MTA3: variants seen among roughly 807,000 people sequenced by gnomAD.
MTA3 encodes the protein metastasis-associated protein MTA3.
MTA3 carries 34 observed loss-of-function variants against 83.5 expected under a neutral mutation model. The ratio of observed to expected loss-of-function variants is 0.41; its 90% confidence interval spans 0.31 to 0.54. The LOEUF (loss-of-function observed/expected upper bound fraction) is 0.54. Ranked by LOEUF, MTA3 falls within the 20% of genes least tolerant of loss-of-function variation. MTA3 has a pLI of 0.33. For synonymous variants in MTA3, 303 were observed against 252.7 expected, an observed-to-expected ratio of 1.20 and a Z score of -1.89; for missense variants, 761 against 726.4, an observed-to-expected ratio of 1.05 and a Z score of -0.55.
At chr2:42,689,676 T>C (rs922685898) in intron 9 of MTA3, among the ~76,000 whole-genome samples, 1 of 152,198 alleles carries the variant, frequency 6.6e-6, no homozygotes, top group Non-Finnish European at 1.5e-5. Context: ...ATGTTTATAA[T>C]AGGAGTTTAG....
chr2:42,756,014 G>A lies in MTA3; in HGVS notation c.*2615G>A. ...CACAGCCCAGTTTCCATCTCTCAGGGCCCACCCAGGAAAATGGATTTCAAG... is the reference window on the plus strand; with the variant it reads ...CACAGCCCAGTTTCCATCTCTCAGGACCCACCCAGGAAAATGGATTTCAAG... On this transcript the variant is annotated 3_prime_UTR_variant, in exon 17 of 17. Transcript: ENST00000405094. The A allele has an allele frequency of 1.0e-6, 1 of 985,288 alleles. No homozygotes were observed. Among genetic ancestry groups the A allele is most frequent in the Non-Finnish European group, 1.2e-6 (1 of 829,794 alleles). The allele number at this position is 985,288 out of a possible 1,614,324, so 61.0% of individuals were successfully genotyped here.
intron 14 of MTA3, 103 bp from the exon 15 acceptor site, chr2:42,718,885 A>G (rs1667217561): frequency 1.2e-6 from 1 of 830,888 alleles, no homozygotes; most frequent in African/African-American, 1.7e-5. Context: ...TCTGGTGGCT[A>G]TTTTGTACTG....
chr2:42,676,115 G>T (rs1691332951), intron 8 of MTA3, among the ~76,000 whole-genome samples: 2 of 152,232 alleles, frequency 1.3e-5, no homozygotes. Flanking sequence ...TAATTCCAAT[G>T]TATTCTTTCT....
chr2:42,530,840 G>GT (rs1675931636), intron 2 of MTA3, among the ~76,000 whole-genome samples: 2 of 151,778 alleles, frequency 1.3e-5, no homozygotes, highest in Admixed American at 6.6e-5. Flanking sequence ...TTGTTTGTTT[G>GT]TTTTTTTGAG....
intron 2 of MTA3, among the ~76,000 whole-genome samples, chr2:42,547,478 G>A (rs564644936): frequency 2.6e-5 from 4 of 152,332 alleles, no homozygotes; most frequent in African/African-American, 9.6e-5. Context: ...TTACAGGCAC[G>A]CGCCAACGCG....
intron 4 of MTA3, among the ~76,000 whole-genome samples, chr2:42,634,145 A>T (rs1175781231): frequency 1.3e-5 from 2 of 152,176 alleles, no homozygotes; most frequent in Non-Finnish European, 2.9e-5. Context: ...AGCCTCCACA[A>T]CAAAAAATTA....
rs1269447316 is a variant in MTA3 at position 42,756,887 on chromosome 2, A to G, written c.*3488A>G. 14 of 985,316 alleles carry G rather than the reference A, an allele frequency of 1.4e-5. No individual in the cohort carries two copies. Among genetic ancestry groups the G allele is most frequent in the Non-Finnish European group, 4.8e-6 (4 of 829,942 alleles). 61.0% of individuals were successfully genotyped at this position (985,316 alleles called of 1,614,324 possible). A position where few individuals can be genotyped will look rare whatever the true frequency, so the allele number is the denominator to read the frequency against. ...ACCACAGTGTGGATTGTCTGTCTGT[A>G]AGGAGATGCCATCTACTAACCAATT... is the stretch of plus-strand genomic sequence containing the variant. On this transcript the variant is annotated 3_prime_UTR_variant, in exon 17 of 17. Coordinates refer to ENST00000405094, the MANE Select transcript of MTA3 (RefSeq NM_001330442.2).
intron 7 of MTA3, among the ~76,000 whole-genome samples, chr2:42,658,428 T>C (rs1215861982): frequency 6.6e-6 from 1 of 151,952 alleles, no homozygotes; most frequent in African/African-American, 2.4e-5. Context: ...CTGTCAGCAG[T>C]AGAGTGGAGG....
intron 4 of MTA3, among the ~76,000 whole-genome samples, chr2:42,633,591 C>A (rs745533041): frequency 6.8e-6 from 1 of 145,994 alleles, no homozygotes; most frequent in African/African-American, 2.6e-5. Flanking sequence ...AAAAGAAGTC[C>A]ATTAAAAATC....
At chr2:42,543,930 G>T (rs1676639577) in intron 2 of MTA3, among the ~76,000 whole-genome samples, 1 of 151,918 alleles carries the variant, frequency 6.6e-6, no homozygotes, top group Non-Finnish European at 1.5e-5. Flanking sequence ...GGCTCAAGTG[G>T]TCCTCCTGTT....
chr2:42,613,455 G>A (rs563944900), intron 4 of MTA3, among the ~76,000 whole-genome samples: 41 of 152,336 alleles, frequency 2.7e-4, no homozygotes, highest in African/African-American at 9.9e-4. Flanking sequence ...ATGGAGCTGT[G>A]CTAACCAGCC....
intron 2 of MTA3, among the ~76,000 whole-genome samples, chr2:42,536,246 G>A (rs1286223842): frequency 3.9e-5 from 6 of 151,952 alleles, no homozygotes; most frequent in Admixed American, 6.6e-5. Context: ...GGCTGAGATG[G>A]GTGGATCACC....
chr2:42,550,097 G>A (rs1399476932), intron 2 of MTA3, among the ~76,000 whole-genome samples: 1 of 152,098 alleles, frequency 6.6e-6, no homozygotes, highest in Non-Finnish European at 1.5e-5. Context: ...GTGAAAAGGT[G>A]AAAGTTCTCA....
At chr2:42,570,573 A>G in intron 2 of MTA3, 69 bp downstream of exon 2, 1 of 964,960 alleles carries the variant, frequency 1.0e-6, no homozygotes, top group Non-Finnish European at 1.5e-6. Flanking sequence ...AATTGGGTAA[A>G]GGGTGGCCTG....
rs189262960 is a variant in MTA3, at chr2:42,651,923, G to A, written c.500-4277G>A. Among the ~76,000 whole-genome samples, 379 of 151,562 alleles carry A rather than the reference G, an allele frequency of 2.5e-3. 2 individuals are homozygous for A. Among genetic ancestry groups the A allele is most frequent in the Non-Finnish European group, 4.2e-3 (288 of 67,888 alleles). On this transcript the variant is annotated intron_variant, in intron 6 of 16. Transcript: ENST00000405094. ...AGCCTGGCCAACATGGTGAAACCCC[G>A]TCTCAACTAAAAATACAAAAAAATT...
At chr2:42,573,982 CTATTTATTTATT>C (rs112041996) in intron 2 of MTA3, among the ~76,000 whole-genome samples, 1 of 150,808 alleles carries the variant, frequency 6.6e-6, no homozygotes, top group Non-Finnish European at 1.5e-5. Context: ...CTACGCCTGG[CTATTTATTTATT>C]TATTTATTTA....
intron 2 of MTA3, among the ~76,000 whole-genome samples, chr2:42,517,602 C>T (rs1444796034): frequency 5.5e-5 from 8 of 146,788 alleles, no homozygotes; most frequent in Admixed American, 4.8e-4. Context: ...TTAGGCCAGG[C>T]ATGGTGGCTC....
At chr2:42,597,158 C>G (rs926175982) in intron 3 of MTA3, among the ~76,000 whole-genome samples, 7 of 151,930 alleles carry the variant, frequency 4.6e-5, no homozygotes, top group African/African-American at 1.7e-4. Context: ...GCAATCCGCC[C>G]ACCTCGGCCT....
At chr2:42,637,715 AACTTAGATC>A (rs1252886183) in intron 4 of MTA3, among the ~76,000 whole-genome samples, 1 of 152,190 alleles carries the variant, frequency 6.6e-6, no homozygotes, top group Non-Finnish European at 1.5e-5. Flanking sequence ...AAAAATTTAA[AACTTAGATC>A]ACTTATTATC....
Sources: allele counts gnomAD v4.1 joint callset (sites outside exome capture counted in the v4.1 genomes callset), GRCh38; gene constraint gnomAD v4.1.1; transcripts MANE v1.5; gene names NCBI Gene and HGNC (gene_info 2026-07-23, HGNC 2026-07-21).